Variants in ZBBX observed in about 807,000 individuals in gnomAD.
The protein encoded by ZBBX is zinc finger B-box domain-containing protein 1.
In ZBBX, 101 loss-of-function variants were observed where a neutral mutation model predicts 108.5. The observed-to-expected ratio is 0.93, with a 90% CI of 0.79 to 1.10. The LOEUF (loss-of-function observed/expected upper bound fraction) is 1.10. Among genes scored for constraint, ZBBX ranks in the 50% least tolerant of loss-of-function variants. ZBBX has a pLI of 0.00. For synonymous variants in ZBBX, 356 were observed against 323.4 expected (o/e 1.10, Z -1.08); for missense variants, 1,009 against 941.4 (o/e 1.07, Z -0.94).
chr3:167,342,520 A>G (rs1389586923), intron 9 of ZBBX, among the ~76,000 whole-genome samples: 1 of 151,752 alleles, frequency 6.6e-6, no homozygotes, highest in Non-Finnish European at 1.5e-5. Context: ...CTTTTAAAAA[A>G]ACACCCCTAC....
At position 167,282,804 on chromosome 3, in the gene ZBBX, AAC is replaced by A. The variant is rs147727641; in HGVS notation, c.1997-311_1997-310del. 7.5e-4 allele frequency among the ~76,000 whole-genome samples: 114 copies of A among 152,342 alleles called. 2 individuals carry two copies. In the East Asian group the frequency reaches 0.017, roughly 22 times the overall value. On this transcript the variant is annotated intron_variant, in intron 19 of 21. Transcript: ENST00000675490. ...AACTAAGTCAACTTTGTAGAGAAAC[AAC>A]ACACAATTTTATAACGTATTCCAAA...
chr3:167,238,757 A>T (rs1051161495), downstream of ZBBX, among the ~76,000 whole-genome samples: 1 of 152,098 alleles, frequency 6.6e-6, no homozygotes, highest in Non-Finnish European at 1.5e-5. Flanking sequence ...CAAAATTATC[A>T]TCCCATGTTT....
chr3:167,225,008 C>G, the ZBBX span, among the ~76,000 whole-genome samples: 1 of 151,808 alleles, frequency 6.6e-6, no homozygotes, highest in Non-Finnish European at 1.5e-5. Flanking sequence ...GCAGGAGGAC[C>G]CTTTTTGGTT....
the ZBBX span, among the ~76,000 whole-genome samples, chr3:167,216,396 A>G: frequency 6.6e-6 from 1 of 151,926 alleles, no homozygotes; most frequent in African/African-American, 2.4e-5. Flanking sequence ...AAAATAATAT[A>G]TCTAGAATAC....
At position 167,308,968 on chromosome 3, in the gene ZBBX, C is replaced by T. The variant is rs377732500; in HGVS notation, c.1418-3018G>A. On this transcript the variant is annotated intron_variant, in intron 16 of 21. Coordinates refer to ENST00000675490, the MANE Select transcript of ZBBX (RefSeq NM_001199201.2). ...ACTTAAAAGTTAAAAAAAGGCATGCCTACCAGTGACATGTCAGTTTACCAC... is the reference window on the plus strand; with the variant it reads ...ACTTAAAAGTTAAAAAAAGGCATGCTTACCAGTGACATGTCAGTTTACCAC... 3.3e-5 allele frequency among the ~76,000 whole-genome samples: 5 copies of T among 152,092 alleles called. No homozygotes were observed. The East Asian group carries it at 5.8e-4, about 18-fold the overall frequency.
intron 11 of ZBBX, among the ~76,000 whole-genome samples, chr3:167,325,229 C>T (rs1259534753): frequency 6.6e-6 from 1 of 152,100 alleles, no homozygotes; most frequent in Non-Finnish European, 1.5e-5. Flanking sequence ...CTAATGAAGA[C>T]ATACCCGAGA....
At chr3:167,195,082 C>G in the ZBBX span, among the ~76,000 whole-genome samples, 1 of 152,160 alleles carries the variant, frequency 6.6e-6, no homozygotes, top group Non-Finnish European at 1.5e-5. Flanking sequence ...TCTTAGCAAC[C>G]AGATTCCATG....
chr3:167,355,842 T>G (rs1251234287), intron 8 of ZBBX, among the ~76,000 whole-genome samples: 1 of 152,074 alleles, frequency 6.6e-6, no homozygotes, highest in Non-Finnish European at 1.5e-5. Context: ...TTTAAATTCT[T>G]TATTCTAAAT....
At chr3:167,364,802 T>C (rs1745082299) in intron 6 of ZBBX, among the ~76,000 whole-genome samples, 1 of 151,914 alleles carries the variant, frequency 6.6e-6, no homozygotes, top group Non-Finnish European at 1.5e-5. Flanking sequence ...AGGGAGTACA[T>C]TTACTCCCTT....
At chr3:167,215,263 C>T in the ZBBX span, among the ~76,000 whole-genome samples, 1 of 151,776 alleles carries the variant, frequency 6.6e-6, no homozygotes, top group Admixed American at 6.6e-5. Context: ...GAGAGAAGAT[C>T]CAAATAAACA....
At chr3:167,360,615 T>A (rs888179792) in intron 7 of ZBBX, 60 bp downstream of exon 7, 66 of 1,009,302 alleles carry the variant, frequency 6.5e-5, no homozygotes, top group Non-Finnish European at 8.8e-5. Flanking sequence ...TTATTTGTAA[T>A]TACAATGTAA....
Position 167,317,018 on chromosome 3 carries a change from A to G in ZBBX, c.1181T>C (p.Val394Ala), listed in dbSNP as rs370715965. 118 of 1,599,272 alleles carry G rather than the reference A, an allele frequency of 7.4e-5. No homozygotes were observed. Among genetic ancestry groups the G allele is most frequent in the East Asian group, 1.6e-4 (7 of 44,486 alleles). ...IERPEPSLKIVELDDTYEEEF... is the reference protein window; with the variant it reads ...IERPEPSLKIAELDDTYEEEF... Reference sequence around the variant, plus strand: ...TTATGCACTTACATCATCCAGTTCGACTATCTTTAGAGATGGTTCAGGTCT... The same window carrying G: ...TTATGCACTTACATCATCCAGTTCGGCTATCTTTAGAGATGGTTCAGGTCT... Residue 394 changes from valine to alanine, a missense_variant, in exon 14 of 22, where the codon GTC becomes GCC. Physicochemically the swap from Val to Ala is moderately conservative, Grantham distance 64 (BLOSUM62 0). Coordinates refer to ENST00000675490, the MANE Select transcript of ZBBX (RefSeq NM_001199201.2).
chr3:167,277,846 G>A (rs1194033581), intron 20 of ZBBX, among the ~76,000 whole-genome samples: 1 of 152,064 alleles, frequency 6.6e-6, no homozygotes, highest in Non-Finnish European at 1.5e-5. Context: ...CACATACTTG[G>A]AAGTAAAGCT....
chr3:167,282,179 A>G, intron 20 of ZBBX, 59 bp downstream of exon 20: 1 of 1,509,212 alleles, frequency 6.6e-7, no homozygotes, highest in Non-Finnish European at 8.9e-7. Flanking sequence ...GATATGAAGA[A>G]TCCGGCTGAG....
intron 13 of ZBBX, 108 bp from the exon 14 acceptor site, chr3:167,317,213 C>T (rs1735619532): frequency 2.8e-6 from 2 of 705,662 alleles, no homozygotes; most frequent in East Asian, 5.9e-5. Flanking sequence ...TGTGTATCTA[C>T]ACAAAAATAC....
At chr3:167,353,072 A>C (rs1031621222) in intron 8 of ZBBX, among the ~76,000 whole-genome samples, 2 of 152,172 alleles carry the variant, frequency 1.3e-5, no homozygotes, top group African/African-American at 4.8e-5. Context: ...AAAGACAAGG[A>C]TGCCTACTTT....
At position 167,368,517 on chromosome 3, in the gene ZBBX, C is replaced by T. The variant is rs745378068; in HGVS notation, c.126G>A (p.Met42Ile). 8 of 1,611,920 alleles carry T rather than the reference C, an allele frequency of 5.0e-6. No individual in the cohort carries two copies. The highest frequency in any genetic ancestry group is 6.8e-6 in the Non-Finnish European group (8 of 1,178,812). Residue 42 changes from methionine to isoleucine, a missense_variant, in exon 5 of 22, where the codon ATG becomes ATA. By Grantham distance (10) the Met-to-Ile change is conservative. Coordinates refer to ENST00000675490, the MANE Select transcript of ZBBX (RefSeq NM_001199201.2). ...KVQLEFENQE[M>I]EKKLQEFRST... ...ATCGGAATTCTTGCAGTTTCTTCTC[C>T]ATCTCTTGGTTCTCAAACTCTAACT... is the stretch of plus-strand genomic sequence containing the variant.
chr3:167,291,845 G>A lies in ZBBX; in HGVS notation c.1880-2862C>T, dbSNP rs143831873. Reference sequence around the variant, plus strand: ...GCAAAGACACACATAGGCTCAAAACGAAAGAAAGCAGGAAATTTTACCAAC... The same window carrying A: ...GCAAAGACACACATAGGCTCAAAACAAAAGAAAGCAGGAAATTTTACCAAC... On this transcript the variant is annotated intron_variant, in intron 18 of 21. Coordinates refer to ENST00000675490, the MANE Select transcript of ZBBX (RefSeq NM_001199201.2). Among the ~76,000 whole-genome samples the A allele has an allele frequency of 3.8e-3, 577 of 151,996 alleles. 9 individuals are homozygous for A. The highest frequency in any genetic ancestry group is 0.013 in the African/African-American group (545 of 41,486).
intron 17 of ZBBX, among the ~76,000 whole-genome samples, chr3:167,301,852 G>C (rs1300562648): frequency 6.6e-6 from 1 of 151,328 alleles, no homozygotes; most frequent in African/African-American, 2.4e-5. Flanking sequence ...AGCTACACGG[G>C]AGGCTGAGGC....
Sources: allele counts gnomAD v4.1 joint callset (sites outside exome capture counted in the v4.1 genomes callset), GRCh38; gene constraint gnomAD v4.1.1; transcripts MANE v1.5; gene names NCBI Gene and HGNC (gene_info 2026-07-23, HGNC 2026-07-21).